Variants in HMG20A observed in about 807,000 individuals in gnomAD.
The protein encoded by HMG20A is high mobility group 20A.
Under a neutral mutation model 43.9 loss-of-function variants are expected in HMG20A, and 17 were observed. That is an observed-to-expected ratio of 0.39 (90% confidence interval 0.27 to 0.58). The LOEUF is 0.58. HMG20A is among the 20% of genes least tolerant of loss of function. The pLI is 0.59. For synonymous variants in HMG20A, 132 were observed against 147.5 expected (o/e 0.89, Z 0.76); for missense variants, 341 against 438.2 (o/e 0.78, Z 1.98).
At chr15:77,466,123 A>G (rs1294158968) in intron 3 of HMG20A, among the ~76,000 whole-genome samples, 5 of 152,168 alleles carry the variant, frequency 3.3e-5, no homozygotes, top group African/African-American at 1.2e-4. Context: ...GATCACGCCT[A>G]TAATCCCAGC....
In HMG20A at chr15:77,484,732, T is replaced by G. The variant is rs1192999344; in HGVS notation, c.*1769T>G. The G allele has an allele frequency of 6.6e-6, 1 of 152,280 alleles. No homozygotes were observed. The highest frequency in any genetic ancestry group is 2.4e-5 in the African/African-American group (1 of 41,454). The allele number at this position is 152,280 out of a possible 1,614,324, so 9.4% of individuals were successfully genotyped here. On this transcript the variant is annotated 3_prime_UTR_variant, in exon 10 of 10. Coordinates refer to ENST00000336216, the MANE Select transcript of HMG20A (RefSeq NM_001304504.2). ...ATAAACCTAGCCAGTTCTCTTGCTC[T>G]TCTGTATTTTCCTATTTCCCTGCCA...
At chr15:77,472,744 C>T (rs928307714) in intron 6 of HMG20A, among the ~76,000 whole-genome samples, 3 of 152,212 alleles carry the variant, frequency 2.0e-5, no homozygotes, top group Non-Finnish European at 4.4e-5. Context: ...TCTGTTTTCT[C>T]CTTCAAACTT....
intron 1 of HMG20A, among the ~76,000 whole-genome samples, chr15:77,432,357 A>C (rs1399252335): frequency 1.3e-5 from 2 of 152,222 alleles, no homozygotes; most frequent in Admixed American, 1.3e-4. Flanking sequence ...AGGTAGGAAA[A>C]GAACAGCAAA....
At chr15:77,514,723 G>A in the HMG20A span, among the ~76,000 whole-genome samples, 1 of 152,146 alleles carries the variant, frequency 6.6e-6, no homozygotes, top group Non-Finnish European at 1.5e-5. Flanking sequence ...TATAGAAGGG[G>A]TCTAAGAGGG....
chr15:77,489,511 G>T (rs762516202), downstream of HMG20A, among the ~76,000 whole-genome samples: 4 of 152,200 alleles, frequency 2.6e-5, no homozygotes, highest in Non-Finnish European at 5.9e-5. Context: ...AACAATATTT[G>T]TTGAATATCT....
At chr15:77,507,943 T>TG in the HMG20A span, among the ~76,000 whole-genome samples, 1 of 110,518 alleles carries the variant, frequency 9.0e-6, no homozygotes, top group Non-Finnish European at 1.9e-5. Context: ...GTCTTGTCTT[T>TG]GGGGGGGCCC....
intron 4 of HMG20A, among the ~76,000 whole-genome samples, chr15:77,468,960 A>AT (rs929709045): frequency 7.9e-5 from 12 of 151,806 alleles, no homozygotes; most frequent in East Asian, 7.7e-4. Context: ...TAACATTGAT[A>AT]TTTTTTTAAA....
chr15:77,421,136 C>T (rs1271476827), intron 1 of HMG20A, 132 bp downstream of exon 1: 1 of 329,098 alleles, frequency 3.0e-6, no homozygotes, highest in Non-Finnish European at 5.4e-6. Flanking sequence ...GGCGCCTCAA[C>T]TTCCGGTTGG....
intron 6 of HMG20A, among the ~76,000 whole-genome samples, chr15:77,473,440 C>G (rs2142351840): frequency 6.6e-6 from 1 of 152,332 alleles, no homozygotes; most frequent in African/African-American, 2.4e-5. Context: ...TATAGCTTCT[C>G]TATCCTTAAC....
the HMG20A span, among the ~76,000 whole-genome samples, chr15:77,510,243 C>A: frequency 0.25 from 37,314 of 152,092 alleles, 5,243 homozygotes; most frequent in Non-Finnish European, 0.32. Context: ...CTTGCCCACA[C>A]CCCCAACCCT....
At chr15:77,476,781 A>G (rs1220346835) in intron 6 of HMG20A, among the ~76,000 whole-genome samples, 1 of 152,212 alleles carries the variant, frequency 6.6e-6, no homozygotes, top group Non-Finnish European at 1.5e-5. Flanking sequence ...CAGCCAAAGC[A>G]TCTTGAGTTA....
intron 1 of HMG20A, among the ~76,000 whole-genome samples, chr15:77,455,736 T>C (rs2072648081): frequency 1.3e-5 from 2 of 152,234 alleles, no homozygotes; most frequent in South Asian, 2.1e-4. Context: ...CAAAGTTCAG[T>C]GTGACCTCTG....
intron 1 of HMG20A, among the ~76,000 whole-genome samples, chr15:77,453,365 CA>C (rs1262741006): frequency 2.0e-5 from 3 of 151,962 alleles, no homozygotes; most frequent in Admixed American, 1.3e-4. Context: ...AAATATGAAC[CA>C]AAATCACAAT....
intron 1 of HMG20A, among the ~76,000 whole-genome samples, chr15:77,440,748 A>G (rs1428144584): frequency 6.6e-6 from 1 of 152,188 alleles, no homozygotes; most frequent in Non-Finnish European, 1.5e-5. Context: ...TTCATTGCCC[A>G]TGAGTTACAT....
intron 1 of HMG20A, chr15:77,447,852 A>G (rs1189694976): frequency 6.6e-6 from 1 of 152,208 alleles, no homozygotes; most frequent in Non-Finnish European, 1.5e-5. Context: ...CTCTCTAGGC[A>G]TTTGCATTAG....
the HMG20A span, among the ~76,000 whole-genome samples, chr15:77,515,986 T>C: frequency 1.3e-5 from 2 of 152,118 alleles, no homozygotes; most frequent in Non-Finnish European, 2.9e-5. Flanking sequence ...GGGCTGATGC[T>C]GCAAGTTGCA....
the HMG20A span, among the ~76,000 whole-genome samples, chr15:77,491,373 G>A: frequency 6.6e-6 from 1 of 152,124 alleles, no homozygotes; most frequent in Non-Finnish European, 1.5e-5. Flanking sequence ...TTTTTCTTGG[G>A]GCCGGTGGAT....
chr15:77,517,424 G>A, the HMG20A span, among the ~76,000 whole-genome samples: 2 of 151,876 alleles, frequency 1.3e-5, no homozygotes, highest in Admixed American at 6.6e-5. Flanking sequence ...GGCATCCACT[G>A]TCTGTGACCT....
the HMG20A span, among the ~76,000 whole-genome samples, chr15:77,509,905 CA>C: frequency 0.42 from 54,328 of 128,850 alleles, 10,614 homozygotes; most frequent in Non-Finnish European, 0.49. Flanking sequence ...GACTCCGCCT[CA>C]AAAAAAAAAA....
Sources: allele counts gnomAD v4.1 joint callset (sites outside exome capture counted in the v4.1 genomes callset), GRCh38; gene constraint gnomAD v4.1.1; transcripts MANE v1.5; gene names NCBI Gene and HGNC (gene_info 2026-07-23, HGNC 2026-07-21).